Variants in SYTL4 observed in about 807,000 individuals in gnomAD.
SYTL4 encodes the protein synaptotagmin like 4, also known as synaptotagmin-like protein 4.
SYTL4 carries 16 observed loss-of-function variants against 52.7 expected under a neutral mutation model. The observed-to-expected ratio is 0.30, with a 90% CI of 0.21 to 0.46. The LOEUF is 0.46. Among genes scored for constraint, SYTL4 ranks in the 20% least tolerant of loss-of-function variants. The pLI is 1.00. For synonymous variants in SYTL4, 160 were observed against 186.6 expected (o/e 0.86, Z 1.16); for missense variants, 423 against 519.9 (o/e 0.81, Z 1.81).
intron 18 of SYTL4, 26 bp from the exon 19 acceptor site, chrX:100,678,625 C>T (rs888107811): frequency 8.7e-7 from 1 of 1,143,616 alleles, no homozygotes; most frequent in Non-Finnish European, 1.2e-6. Context: ...GAGTAATCAA[C>T]AGCCTACTCA....
chrX:100,684,200 T>C lies in SYTL4; in HGVS notation c.1449+1790A>G, dbSNP rs1394385941. Among the ~76,000 whole-genome samples the C allele has an allele frequency of 1.8e-5, 2 of 112,163 alleles. 1 individual carries two copies. The highest frequency in any genetic ancestry group is 7.5e-4 in the South Asian group (2 of 2,681). On this transcript the variant is annotated intron_variant, in intron 16 of 19. Coordinates refer to ENST00000372989, the MANE Select transcript of SYTL4 (RefSeq NM_001370165.1). The stretch of plus-strand genomic sequence containing the variant: ...TCTTCTAGCTATTTTGAAATACAAA[T>C]ATTTTTGTTGACTATAGTCATCCTA...
chrX:100,696,230 T>C (rs1266195777), intron 8 of SYTL4, among the ~76,000 whole-genome samples: 1 of 112,120 alleles, frequency 8.9e-6, no homozygotes, highest in Non-Finnish European at 1.9e-5. Flanking sequence ...AATCACAAGG[T>C]AGGTGCACAA....
rs769634518 is a variant in SYTL4 at position 100,687,237 on chromosome X, G to A, written c.1014C>T (p.Ile338=). Residue 338 remains isoleucine, a synonymous_variant, in exon 14 of 20, where the codon ATC becomes ATT. Transcript: ENST00000372989. ...SMQSGSSMST[I]GSMMSIYSEA... is the part of the protein sequence containing the mutation. Reference sequence around the variant, plus strand: ...CACTGTAGATGCTCATCATGCTGCCGATCGTACTCTGAAGATAAAGCACCC... The same window carrying A: ...CACTGTAGATGCTCATCATGCTGCCAATCGTACTCTGAAGATAAAGCACCC... 11 of 1,208,068 alleles carry A rather than the reference G, an allele frequency of 9.1e-6. No individual in the cohort carries two copies. The Admixed American group carries it at 1.3e-4, about 14-fold the overall frequency.
At chrX:100,687,814 G>A (rs1300689626) in intron 13 of SYTL4, 1 of 114,046 alleles carries the variant, frequency 8.8e-6, no homozygotes, top group Admixed American at 9.2e-5. Context: ...CTGTGTGTGA[G>A]TGTGAACAAA....
chrX:100,701,846 A>G (rs1459044437), intron 5 of SYTL4, 82 bp downstream of exon 5: 2 of 867,895 alleles, frequency 2.3e-6, no homozygotes, highest in Non-Finnish European at 3.3e-6. Flanking sequence ...ATTCCTATGA[A>G]AGTCAGGTGG....
chrX:100,702,023 C>T lies in SYTL4; in HGVS notation c.15G>A (p.Leu5=). ...CCTCCTCAGACAGAAAAGAAAGGTC[C>T]AGTAACTCCGACATGATTTACTCAA... MSEL[L]DLSFLSEEEK... is the part of the protein sequence containing the mutation. Residue 5 remains leucine, a synonymous_variant, in exon 5 of 20, where the codon CTG becomes CTA. Coordinates refer to ENST00000372989, the MANE Select transcript of SYTL4 (RefSeq NM_001370165.1). 7 of 1,200,788 alleles carry T rather than the reference C, an allele frequency of 5.8e-6. No individual in the cohort carries two copies. Among genetic ancestry groups the T allele is most frequent in the Non-Finnish European group, 6.8e-6 (6 of 887,003 alleles).
At chrX:100,718,589 TCC>T (rs2084274623) in intron 2 of SYTL4, among the ~76,000 whole-genome samples, 1 of 110,130 alleles carries the variant, frequency 9.1e-6, no homozygotes, top group Non-Finnish European at 1.9e-5. Flanking sequence ...TCACATAAAA[TCC>T]CCTAGGGCCT....
chrX:100,704,212 C>T (rs1311536298), intron 3 of SYTL4, among the ~76,000 whole-genome samples: 1 of 111,800 alleles, frequency 8.9e-6, no homozygotes, highest in Non-Finnish European at 1.9e-5. Context: ...AGTGATCTTC[C>T]TGCCTCAGCC....
rs2083259393 is a variant in SYTL4, at chrX:100,675,387, G to A, written c.*641C>T. 8.9e-6 allele frequency: 1 copy of A among 112,774 alleles called. No homozygotes were observed. Among genetic ancestry groups the A allele is most frequent in the South Asian group, 3.7e-4 (1 of 2,707 alleles). The allele number at this position is 112,774 out of a possible 1,213,427, so 9.3% of individuals were successfully genotyped here. On this transcript the variant is annotated 3_prime_UTR_variant, in exon 20 of 20. Transcript: ENST00000372989. ...GGTCTAGTAAAGATATCTAGAACTG[G>A]AAAAAGCTTGGGAATTCTGTTAGCA...
At chrX:100,688,524 GC>G in intron 12 of SYTL4, 81 bp from the exon 13 acceptor site, 2 of 807,169 alleles carry the variant, frequency 2.5e-6, no homozygotes, top group Non-Finnish European at 3.5e-6. Context: ...TTCCTTTAAA[GC>G]TCCAAGTTGC....
intron 2 of SYTL4, among the ~76,000 whole-genome samples, chrX:100,729,265 A>G (rs2084590059): frequency 1.8e-5 from 2 of 111,368 alleles, no homozygotes; most frequent in African/African-American, 6.5e-5. Flanking sequence ...TCATTAACAA[A>G]TATTAGTATG....
At chrX:100,718,064 G>C (rs889262123) in intron 2 of SYTL4, among the ~76,000 whole-genome samples, 5 of 111,938 alleles carry the variant, frequency 4.5e-5, no homozygotes, top group African/African-American at 1.6e-4. Context: ...CCTGCCTATG[G>C]CTTTGAGGAT....
In SYTL4 at chrX:100,702,100, A is replaced by G. The variant is rs997074723; in HGVS notation, c.-63T>C. ...AAACAACCAGACAAGGAGAGCTACC[A>G]GAGTTGCCTGAAATGACAAAAGAAC... On this transcript the variant is annotated 5_prime_UTR_variant, in exon 5 of 20. Coordinates refer to ENST00000372989, the MANE Select transcript of SYTL4 (RefSeq NM_001370165.1). 2.4e-6 allele frequency: 2 copies of G among 846,783 alleles called. No individual in the cohort carries two copies. Among genetic ancestry groups the G allele is most frequent in the South Asian group, 2.3e-5 (1 of 42,629 alleles). The allele number at this position is 846,783 out of a possible 1,213,427, so 69.8% of individuals were successfully genotyped here. A position where few individuals can be genotyped will look rare whatever the true frequency, so the allele number is the denominator to read the frequency against.
chrX:100,713,817 C>T (rs5967174), intron 2 of SYTL4, among the ~76,000 whole-genome samples: 20,256 of 109,390 alleles, frequency 0.19, 3,967 homozygotes, highest in African/African-American at 0.58. Flanking sequence ...GCAACATGAA[C>T]GAATCTCAAA....
chrX:100,726,101 C>G (rs1190206682), intron 2 of SYTL4, among the ~76,000 whole-genome samples: 5 of 108,453 alleles, frequency 4.6e-5, no homozygotes, highest in African/African-American at 1.7e-4. Context: ...CTGTCACGGC[C>G]ACCCGGAAAA....
At chrX:100,679,443 C>T (rs904990215) in intron 17 of SYTL4, 31 bp from the exon 18 acceptor site, 16 of 1,055,104 alleles carry the variant, frequency 1.5e-5, no homozygotes, top group Non-Finnish European at 2.1e-5. Flanking sequence ...AGCAAGTGAG[C>T]CCCTTCCACC....
intron 10 of SYTL4, 68 bp from the exon 11 acceptor site, chrX:100,690,233 G>A: frequency 1.2e-6 from 1 of 813,516 alleles, no homozygotes; most frequent in South Asian, 2.3e-5. Context: ...GAGTAAGGAA[G>A]GACAGTCTTA....
Position 100,698,325 on chromosome X carries a change from G to T in SYTL4, c.539+2572C>A, listed in dbSNP as rs191440487. On this transcript the variant is annotated intron_variant, in intron 8 of 19. Coordinates refer to ENST00000372989, the MANE Select transcript of SYTL4 (RefSeq NM_001370165.1). Reference sequence around the variant, plus strand: ...TCACCGTGTTAGCCAGGATGGTCTCGATCTCCTGACCTTGTGATCCGCCCG... The same window carrying T: ...TCACCGTGTTAGCCAGGATGGTCTCTATCTCCTGACCTTGTGATCCGCCCG... Among the ~76,000 whole-genome samples the T allele has an allele frequency of 9.0e-5, 10 of 111,109 alleles. No individual in the cohort carries two copies. In the East Asian group the frequency reaches 2.3e-3, roughly 26 times the overall value.
rs2083849252 is a variant in SYTL4, at chrX:100,701,444, T to C, written c.326+14A>G. 5.0e-6 allele frequency: 6 copies of C among 1,205,178 alleles called. No individual in the cohort carries two copies. Among genetic ancestry groups the C allele is most frequent in the African/African-American group, 1.7e-5 (1 of 57,254 alleles). Reference sequence around the variant, plus strand: ...GCCTCGCCCCCTCTCTACTCAGCCATAGGTGACACTCACATTTCCTTGGCG... The same window carrying C: ...GCCTCGCCCCCTCTCTACTCAGCCACAGGTGACACTCACATTTCCTTGGCG... On this transcript the variant is annotated intron_variant, in intron 6 of 19. Transcript: ENST00000372989.
Sources: gnomAD v4.1 joint callset for allele counts (sites outside exome capture counted in the v4.1 genomes callset) on GRCh38, gnomAD v4.1.1 for gene constraint, MANE v1.5 for transcripts, NCBI Gene and HGNC (gene_info 2026-07-23, HGNC 2026-07-21) for gene names.